The following DRC4 variants were observed in gnomAD, a reference collection of about 807,000 sequenced individuals.
DRC4 encodes GAS-11.
chr16:90,043,690 G>A, the DRC4 span: 28 of 513,048 alleles, frequency 5.5e-5, no homozygotes, highest in Non-Finnish European at 9.0e-5. Flanking sequence ...CTGTCTTCGC[G>A]CCACTGTTGT....
At chr16:90,043,852 G>A in the DRC4 span, 2 of 465,864 alleles carry the variant, frequency 4.3e-6, no homozygotes, top group Non-Finnish European at 4.5e-6. Context: ...TCTGTTGAGG[G>A]CTGGGTGGGT....
chr16:90,040,450 G>C, the DRC4 span: 1 of 1,611,258 alleles, frequency 6.2e-7, no homozygotes, highest in Non-Finnish European at 8.5e-7. Flanking sequence ...GTTCAACGAG[G>C]TCCTGGCTGC....
At chr16:90,020,471 T>G in the DRC4 span, among the ~76,000 whole-genome samples, 1 of 152,194 alleles carries the variant, frequency 6.6e-6, no homozygotes, top group African/African-American at 2.4e-5. Context: ...GGGCAGTCGG[T>G]TTGTTTGTAT....
At chr16:90,044,496 T>G in the DRC4 span, 3 of 470,942 alleles carry the variant, frequency 6.4e-6, no homozygotes, top group Non-Finnish European at 1.3e-5. Context: ...CCACTGGGGC[T>G]CTCACCTCCA....
chr16:90,021,614 C>G, the DRC4 span, among the ~76,000 whole-genome samples: 3 of 152,020 alleles, frequency 2.0e-5, no homozygotes, highest in Admixed American at 6.5e-5. Flanking sequence ...CTCACGTGCT[C>G]CCAGCACTTT....
At chr16:90,030,109 A>T in the DRC4 span, among the ~76,000 whole-genome samples, 1 of 151,960 alleles carries the variant, frequency 6.6e-6, no homozygotes, top group Non-Finnish European at 1.5e-5. Flanking sequence ...AGCCTGTCCT[A>T]CATTTTTTTT....
At chr16:90,040,497 C>T in the DRC4 span, 2 of 1,601,530 alleles carry the variant, frequency 1.2e-6, no homozygotes, top group African/African-American at 1.3e-5. Flanking sequence ...CGCTGGTGTC[C>T]CGCAAGCTGG....
chr16:90,037,481 T>A, the DRC4 span: 1 of 1,475,920 alleles, frequency 6.8e-7, no homozygotes, highest in South Asian at 1.3e-5. Context: ...AGGGAGGGGC[T>A]TGGCCCTTAG....
At chr16:90,029,317 T>G in the DRC4 span, 1 of 1,364,718 alleles carries the variant, frequency 7.3e-7, no homozygotes. Context: ...TGGAGACTCC[T>G]GCCCCGCAGC....
chr16:90,029,190 G>GGGGCAGCCTACGGGGCAGGCTGCA, the DRC4 span: 27 of 1,316,540 alleles, frequency 2.1e-5, no homozygotes, highest in African/African-American at 3.5e-5. Flanking sequence ...GGCAGGCTAT[G>GGGGCAGCCTACGGGGCAGGCTGCA]GGGCAGCCTA....
At chr16:90,034,387 G>C in the DRC4 span, among the ~76,000 whole-genome samples, 1 of 152,212 alleles carries the variant, frequency 6.6e-6, no homozygotes, top group African/African-American at 2.4e-5. Context: ...ACTTTGGGAG[G>C]CCGAGGAGGG....
At chr16:90,036,824 T>G in the DRC4 span, 1 of 651,742 alleles carries the variant, frequency 1.5e-6, no homozygotes. Context: ...GAGGGGGAAG[T>G]AATGAAGTGT....
At chr16:90,031,172 T>C in the DRC4 span, 2 of 1,524,680 alleles carry the variant, frequency 1.3e-6, no homozygotes, top group Non-Finnish European at 1.8e-6. Flanking sequence ...CTTTTTACAT[T>C]TAGCTGTTTA....
the DRC4 span, among the ~76,000 whole-genome samples, chr16:90,034,580 C>T: frequency 6.6e-6 from 1 of 152,040 alleles, no homozygotes; most frequent in South Asian, 2.1e-4. Flanking sequence ...CGAGATTGTG[C>T]CACTGCACTC....
the DRC4 span, chr16:90,031,617 G>A: frequency 4.5e-6 from 5 of 1,123,502 alleles, no homozygotes; most frequent in East Asian, 2.6e-5. Flanking sequence ...CAGCCTTAAA[G>A]GTGTTTTTTA....
the DRC4 span, chr16:90,037,523 C>G: frequency 8.6e-7 from 1 of 1,158,272 alleles, no homozygotes; most frequent in East Asian, 2.5e-5. Flanking sequence ...GCCTGCATTT[C>G]TCCTTTCTCT....
chr16:90,038,147 C>T, the DRC4 span, among the ~76,000 whole-genome samples: 30 of 152,230 alleles, frequency 2.0e-4, no homozygotes, highest in African/African-American at 6.5e-4. Flanking sequence ...TGATGGGGAA[C>T]GGATCACACA....
the DRC4 span, chr16:90,035,995 C>G: frequency 6.5e-6 from 7 of 1,070,734 alleles, no homozygotes; most frequent in Admixed American, 1.2e-4. Flanking sequence ...ATAGTCTTCT[C>G]CATGGCTCCT....
chr16:90,042,377 G>A, the DRC4 span: 8 of 979,370 alleles, frequency 8.2e-6, no homozygotes, highest in South Asian at 1.0e-4. Flanking sequence ...CTATTCGCTG[G>A]ATCTCTCAGA....
Sources: allele counts gnomAD v4.1 joint callset (sites outside exome capture counted in the v4.1 genomes callset), GRCh38; gene constraint gnomAD v4.1.1; transcripts MANE v1.5; gene names NCBI Gene and HGNC (gene_info 2026-07-23, HGNC 2026-07-21).